Variants in TBC1D5 observed in about 807,000 individuals in gnomAD.
TBC1D5 encodes the protein TBC1 domain family, member 5.
A neutral mutation model predicts 100.3 loss-of-function variants in TBC1D5; 75 were observed. The ratio of observed to expected loss-of-function variants is 0.75; its 90% CI spans 0.62 to 0.91. The LOEUF (loss-of-function observed/expected upper bound fraction) is 0.91, where lower values mean the gene tolerates loss of function less well. TBC1D5 is among the 40% of genes least tolerant of loss of function. TBC1D5 has a pLI of 0.00. For missense variants in TBC1D5, 910 were observed against 942.4 expected, an observed-to-expected ratio of 0.97 and a Z score of 0.45; for synonymous variants, 323 against 325.6, an observed-to-expected ratio of 0.99 and a Z score of 0.09.
chr3:17,634,022 T>C (rs1418844693), intron 1 of TBC1D5, among the ~76,000 whole-genome samples: 6 of 152,084 alleles, frequency 3.9e-5, no homozygotes, highest in Non-Finnish European at 8.8e-5. Flanking sequence ...TATGATATCA[T>C]CTCACCACAG....
At chr3:17,297,571 TAAAA>T (rs35418915) in intron 14 of TBC1D5, among the ~76,000 whole-genome samples, 2 of 137,242 alleles carry the variant, frequency 1.5e-5, no homozygotes, top group African/African-American at 5.4e-5. Context: ...GCGAGACTCC[TAAAA>T]AAAAAAAAAA....
chr3:17,498,566 C>A (rs1434632458), intron 3 of TBC1D5, among the ~76,000 whole-genome samples: 1 of 152,136 alleles, frequency 6.6e-6, no homozygotes, highest in Non-Finnish European at 1.5e-5. Flanking sequence ...AAAAATACCA[C>A]AATAACACAT....
chr3:17,606,989 A>C (rs2061371439), intron 2 of TBC1D5, among the ~76,000 whole-genome samples: 1 of 152,218 alleles, frequency 6.6e-6, no homozygotes, highest in African/African-American at 2.4e-5. Flanking sequence ...TTTACCAAAG[A>C]GAATAATTAG....
rs546143006 is a variant in TBC1D5, at chr3:17,366,319, A to C, written c.995+5756T>G. Among the ~76,000 whole-genome samples the C allele has an allele frequency of 5.9e-5, 9 of 152,134 alleles. No homozygotes were observed. The South Asian group carries it at 1.7e-3, about 28-fold the overall frequency. ...ACAAACAAACAAAAAAAAACAAAAAAACAAAAAACAAACAAAAAAAAGGAT... is the reference window on the plus strand; with the variant it reads ...ACAAACAAACAAAAAAAAACAAAAACACAAAAAACAAACAAAAAAAAGGAT... On this transcript the variant is annotated intron_variant, in intron 13 of 21. Transcript: ENST00000253692.
rs199642827 is a variant in TBC1D5, at chr3:17,690,203, TA to T, written c.-101+49139del. Among the ~76,000 whole-genome samples, 164 of 61,468 alleles carry T rather than the reference TA, an allele frequency of 2.7e-3. 18 individuals carry two copies. Among genetic ancestry groups the T allele is most frequent in the African/African-American group, 8.1e-3 (142 of 17,638 alleles). The allele number at this position is 61,468 out of a possible 152,430, so 40.3% of individuals were successfully genotyped here. A position where few individuals can be genotyped will look rare whatever the true frequency, so the allele number is the denominator to read the frequency against. On this transcript the variant is annotated intron_variant, in intron 1 of 21. Transcript: ENST00000253692. ...GAGAACTGAAGCATAAAAATAGCCA[TA>T]TTTTTTTTTTTTTTTTTTTTTTTTT... is the stretch of plus-strand genomic sequence containing the variant.
intron 1 of TBC1D5, among the ~76,000 whole-genome samples, chr3:17,625,482 A>G (rs1223093391): frequency 6.6e-6 from 1 of 152,032 alleles, no homozygotes; most frequent in Non-Finnish European, 1.5e-5. Flanking sequence ...TAATTTTTTT[A>G]AGGCTGTTAA....
intron 19 of TBC1D5, among the ~76,000 whole-genome samples, chr3:17,172,499 G>T (rs1322463757): frequency 6.6e-6 from 1 of 152,146 alleles, no homozygotes; most frequent in African/African-American, 2.4e-5. Flanking sequence ...TTGCCATAAA[G>T]GCTCTTTCTC....
At chr3:17,689,336 T>G (rs557829857) in intron 1 of TBC1D5, among the ~76,000 whole-genome samples, 7 of 151,788 alleles carry the variant, frequency 4.6e-5, no homozygotes, top group Admixed American at 4.6e-4. Flanking sequence ...GTCCAGGAAT[T>G]TGAGATCAGT....
chr3:17,656,429 A>G (rs1459883458), intron 1 of TBC1D5, among the ~76,000 whole-genome samples: 1 of 152,036 alleles, frequency 6.6e-6, no homozygotes, highest in Non-Finnish European at 1.5e-5. Context: ...GGAAACAGAA[A>G]CTCCTGCTGG....
chr3:17,180,483 T>C (rs2068316915), intron 19 of TBC1D5, among the ~76,000 whole-genome samples: 1 of 152,166 alleles, frequency 6.6e-6, no homozygotes, highest in Admixed American at 6.5e-5. Flanking sequence ...GACAAAAACA[T>C]AGGGCGATAT....
chr3:17,450,105 C>A (rs1576030285), intron 3 of TBC1D5, among the ~76,000 whole-genome samples: 2 of 152,246 alleles, frequency 1.3e-5, no homozygotes, highest in South Asian at 4.1e-4. Flanking sequence ...CTGGAGAGGA[C>A]CCCCAGCAAA....
At chr3:17,672,754 C>T (rs1048300478) in intron 1 of TBC1D5, 5 of 152,142 alleles carry the variant, frequency 3.3e-5, no homozygotes, top group African/African-American at 1.2e-4. Flanking sequence ...AAATACTGCT[C>T]TAGTGGCATC....
At chr3:17,357,115 C>T (rs2091288627) in intron 13 of TBC1D5, among the ~76,000 whole-genome samples, 1 of 152,038 alleles carries the variant, frequency 6.6e-6, no homozygotes, top group South Asian at 2.1e-4. Flanking sequence ...TATGTCTTAC[C>T]ACCAGCAGAA....
chr3:17,592,614 CT>C (rs2060301066), intron 2 of TBC1D5, among the ~76,000 whole-genome samples: 1 of 152,328 alleles, frequency 6.6e-6, no homozygotes, highest in African/African-American at 2.4e-5. Context: ...ACCTGAAAGG[CT>C]GCCAGTTTTG....
At chr3:17,454,932 G>C (rs192317235) in intron 3 of TBC1D5, among the ~76,000 whole-genome samples, 1 of 151,470 alleles carries the variant, frequency 6.6e-6, no homozygotes, top group Non-Finnish European at 1.5e-5. Context: ...AACTGAAGAG[G>C]ACAACAACAA....
intron 18 of TBC1D5, among the ~76,000 whole-genome samples, chr3:17,185,710 A>AT (rs964934297): frequency 2.0e-5 from 3 of 151,868 alleles, no homozygotes; most frequent in South Asian, 2.1e-4. Flanking sequence ...AATAAAAAAA[A>AT]AATAAAAAAA....
At chr3:17,409,159 G>A (rs996032051) in intron 4 of TBC1D5, among the ~76,000 whole-genome samples, 7 of 152,128 alleles carry the variant, frequency 4.6e-5, no homozygotes, top group Non-Finnish European at 8.8e-5. Flanking sequence ...CTTGCATTGA[G>A]CAAGTCTATC....
At chr3:17,326,541 T>C (rs2086166803) in intron 13 of TBC1D5, among the ~76,000 whole-genome samples, 1 of 152,228 alleles carries the variant, frequency 6.6e-6, no homozygotes, top group Non-Finnish European at 1.5e-5. Flanking sequence ...TGTACAATCA[T>C]GGCTTACTGC....
intron 14 of TBC1D5, among the ~76,000 whole-genome samples, chr3:17,305,793 C>T (rs867373253): frequency 6.6e-6 from 1 of 152,260 alleles, no homozygotes; most frequent in African/African-American, 2.4e-5. Flanking sequence ...ATCTTGCTAC[C>T]TTTACCTCTG....
Sources: gnomAD v4.1 joint callset for allele counts (sites outside exome capture counted in the v4.1 genomes callset) on GRCh38, gnomAD v4.1.1 for gene constraint, MANE v1.5 for transcripts, NCBI Gene and HGNC (gene_info 2026-07-23, HGNC 2026-07-21) for gene names.